CNGB3: variants seen among roughly 807,000 people sequenced by gnomAD.
CNGB3 encodes cyclic nucleotide gated channel subunit beta 3, also known as cyclic nucleotide-gated channel beta-3.
A neutral mutation model predicts 92.8 loss-of-function variants in CNGB3; 86 were observed. The observed-to-expected ratio is 0.93, with a 90% CI of 0.78 to 1.11. The LOEUF is 1.11. CNGB3 is among the 50% of genes least tolerant of loss of function. CNGB3 has a pLI of 0.00. For missense variants in CNGB3, 1,026 were observed against 956.8 expected, an observed-to-expected ratio of 1.07 and a Z score of -0.95; for synonymous variants, 333 against 332.7, an observed-to-expected ratio of 1.00 and a Z score of -0.01.
intron 12 of CNGB3, among the ~76,000 whole-genome samples, chr8:86,628,141 C>A (rs113614180): frequency 2.0e-5 from 3 of 152,098 alleles, no homozygotes; most frequent in Non-Finnish European, 4.4e-5. Flanking sequence ...TAGTTCAGTT[C>A]TGGGGGAGTC....
rs564129326 is a variant in CNGB3, at chr8:86,584,564, A to G, written c.1782-5312T>C. 2.5e-3 allele frequency among the ~76,000 whole-genome samples: 303 copies of G among 123,110 alleles called. 2 individuals carry two copies. Among genetic ancestry groups the G allele is most frequent in the Non-Finnish European group, 4.5e-3 (248 of 54,522 alleles). The allele number at this position is 123,110 out of a possible 152,430, so 80.8% of individuals were successfully genotyped here. Reference sequence around the variant, plus strand: ...CCAAACTCTTTCAGCAATGTTTAAAATAGCATCTTTTTTTTTTTTCATCTT... The same window carrying G: ...CCAAACTCTTTCAGCAATGTTTAAAGTAGCATCTTTTTTTTTTTTCATCTT... On this transcript the variant is annotated intron_variant, in intron 15 of 17. Coordinates refer to ENST00000320005, the MANE Select transcript of CNGB3 (RefSeq NM_019098.5).
In CNGB3 at chr8:86,666,914, A is replaced by G. The variant is rs1490440422; in HGVS notation, c.852+11T>C. The G allele has an allele frequency of 3.1e-6, 5 of 1,607,386 alleles. No individual in the cohort carries two copies. The highest frequency in any genetic ancestry group is 1.3e-5 in the African/African-American group (1 of 74,698). On this transcript the variant is annotated intron_variant, in intron 6 of 17. Coordinates refer to ENST00000320005, the MANE Select transcript of CNGB3 (RefSeq NM_019098.5). ...ACGTTTCAGTTTCTGCCTTTCCCGA[A>G]CCCCACTTACTATTATGTCTCCTCC...
intron 15 of CNGB3, among the ~76,000 whole-genome samples, chr8:86,593,178 A>C (rs192170380): frequency 1.3e-5 from 2 of 152,328 alleles, no homozygotes; most frequent in East Asian, 3.9e-4. Flanking sequence ...TTTTCCCCTT[A>C]GCAGGTCTTG....
intron 3 of CNGB3, among the ~76,000 whole-genome samples, chr8:86,718,442 T>G (rs1236411849): frequency 1.3e-5 from 2 of 151,832 alleles, no homozygotes; most frequent in African/African-American, 2.4e-5. Flanking sequence ...TTCCTGGAAA[T>G]ATACAACCCT....
chr8:86,591,125 A>G (rs1822024430), intron 15 of CNGB3, among the ~76,000 whole-genome samples: 2 of 151,214 alleles, frequency 1.3e-5, no homozygotes, highest in Admixed American at 6.6e-5. Flanking sequence ...CTTCCAGTTG[A>G]TCACATCGGC....
intron 3 of CNGB3, among the ~76,000 whole-genome samples, chr8:86,708,861 T>A (rs1824699128): frequency 6.6e-6 from 1 of 152,130 alleles, no homozygotes; most frequent in Non-Finnish European, 1.5e-5. Context: ...AGCTGTGGAA[T>A]GAAGGAATAA....
At chr8:86,734,848 A>G (rs907804098) in intron 2 of CNGB3, among the ~76,000 whole-genome samples, 2 of 151,844 alleles carry the variant, frequency 1.3e-5, no homozygotes, top group Non-Finnish European at 2.9e-5. Flanking sequence ...GGATTTACCA[A>G]CCTCAATGCT....
chr8:86,693,824 A>G (rs991960771), intron 3 of CNGB3, among the ~76,000 whole-genome samples: 1 of 143,586 alleles, frequency 7.0e-6, no homozygotes, highest in African/African-American at 2.4e-5. Context: ...GAACAAAATG[A>G]AAAGTCTCCC....
chr8:86,705,667 T>C (rs1824639536), intron 3 of CNGB3, among the ~76,000 whole-genome samples: 1 of 152,038 alleles, frequency 6.6e-6, no homozygotes, highest in African/African-American at 2.4e-5. Flanking sequence ...ACGGCTGACA[T>C]GAGCGCTGGG....
intron 15 of CNGB3, among the ~76,000 whole-genome samples, chr8:86,580,060 G>C (rs535070846): frequency 1.3e-5 from 2 of 152,238 alleles, no homozygotes; most frequent in South Asian, 4.2e-4. Flanking sequence ...GAAACATACG[G>C]TCATGGTGGA....
At chr8:86,587,670 G>A (rs1179426597) in intron 15 of CNGB3, among the ~76,000 whole-genome samples, 1 of 151,028 alleles carries the variant, frequency 6.6e-6, no homozygotes, top group African/African-American at 2.4e-5. Flanking sequence ...TTATTTCTGA[G>A]GGCTCTGTTC....
chr8:86,591,695 G>C (rs1822041469), intron 15 of CNGB3, among the ~76,000 whole-genome samples: 1 of 152,336 alleles, frequency 6.6e-6, no homozygotes, highest in Admixed American at 6.5e-5. Flanking sequence ...CAGTCTGCCT[G>C]TTCTCAAATC....
intron 3 of CNGB3, among the ~76,000 whole-genome samples, chr8:86,684,380 T>G (rs1824142580): frequency 6.6e-6 from 1 of 152,066 alleles, no homozygotes; most frequent in Non-Finnish European, 1.5e-5. Flanking sequence ...ACTGGATCAC[T>G]CATACACTGC....
intron 4 of CNGB3, among the ~76,000 whole-genome samples, chr8:86,668,924 CA>C (rs1335491486): frequency 6.6e-6 from 1 of 152,024 alleles, no homozygotes; most frequent in East Asian, 1.9e-4. Flanking sequence ...AAGGCTGAGG[CA>C]AGAGGATCAT....
chr8:86,604,055 T>G, intron 15 of CNGB3, 38 bp downstream of exon 15: 1 of 1,322,708 alleles, frequency 7.6e-7, no homozygotes, highest in Non-Finnish European at 1.1e-6. Context: ...TTATGACAAA[T>G]GATGGACTTC....
At chr8:86,683,606 T>G (rs994599816) in intron 3 of CNGB3, among the ~76,000 whole-genome samples, 9 of 152,160 alleles carry the variant, frequency 5.9e-5, no homozygotes, top group Non-Finnish European at 8.8e-5. Flanking sequence ...TGAAGACATT[T>G]ATACTGACTA....
chr8:86,742,122 G>A (rs2131686117), intron 1 of CNGB3, among the ~76,000 whole-genome samples: 1 of 152,316 alleles, frequency 6.6e-6, no homozygotes, highest in East Asian at 1.9e-4. Flanking sequence ...AGTAATTGCT[G>A]TTAGTTACAA....
intron 6 of CNGB3, among the ~76,000 whole-genome samples, chr8:86,662,486 A>G (rs1823660952): frequency 6.6e-6 from 1 of 152,242 alleles, no homozygotes; most frequent in African/African-American, 2.4e-5. Context: ...CATTCATTTA[A>G]TTCATTTGAC....
At chr8:86,584,571 CTT>C (rs34030252) in intron 15 of CNGB3, among the ~76,000 whole-genome samples, 27 of 148,986 alleles carry the variant, frequency 1.8e-4, no homozygotes, top group East Asian at 7.9e-4. Context: ...AAAATAGCAT[CTT>C]TTTTTTTTTT....
Sources: gnomAD v4.1 joint callset for allele counts (sites outside exome capture counted in the v4.1 genomes callset) on GRCh38, gnomAD v4.1.1 for gene constraint, MANE v1.5 for transcripts, NCBI Gene and HGNC (gene_info 2026-07-23, HGNC 2026-07-21) for gene names.